PTPRT: variants seen among roughly 807,000 people sequenced by gnomAD.
PTPRT encodes receptor-type tyrosine-protein phosphatase T.
A neutral mutation model predicts 176.8 loss-of-function variants in PTPRT; 56 were observed. The observed-to-expected ratio is 0.32, with a 90% CI of 0.26 to 0.40. PTPRT has a LOEUF of 0.40. Ranked by LOEUF, PTPRT falls within the 10% of genes least tolerant of loss-of-function variation. The pLI, the probability that PTPRT is intolerant of heterozygous loss-of-function variation, is 1.00. For missense variants in PTPRT, 1,540 were observed against 1,908.2 expected, an observed-to-expected ratio of 0.81 and a Z score of 3.60; for synonymous variants, 783 against 739.0, an observed-to-expected ratio of 1.06 and a Z score of -0.96.
chr20:42,596,326 A>C (rs1158752691), intron 7 of PTPRT, among the ~76,000 whole-genome samples: 1 of 152,210 alleles, frequency 6.6e-6, no homozygotes, highest in Non-Finnish European at 1.5e-5. Context: ...CTCCTGGCTC[A>C]GATCCCTCCA....
chr20:42,615,036 C>T (rs1197278842), intron 7 of PTPRT, among the ~76,000 whole-genome samples: 1 of 141,676 alleles, frequency 7.1e-6, no homozygotes, highest in Non-Finnish European at 1.5e-5. Context: ...GCTGCACCCA[C>T]TAACTCGTCA....
chr20:42,145,788 C>A (rs1050352534), intron 17 of PTPRT, among the ~76,000 whole-genome samples: 1 of 152,160 alleles, frequency 6.6e-6, no homozygotes, highest in Non-Finnish European at 1.5e-5. Context: ...AAGTGCCTTC[C>A]TAGCTATTAA....
At chr20:42,693,266 A>C (rs948688637) in intron 6 of PTPRT, among the ~76,000 whole-genome samples, 1 of 152,178 alleles carries the variant, frequency 6.6e-6, no homozygotes, top group Non-Finnish European at 1.5e-5. Flanking sequence ...AGAAGAATCA[A>C]TATTGTAAAG....
intron 1 of PTPRT, among the ~76,000 whole-genome samples, chr20:42,909,893 T>C (rs1443087054): frequency 6.6e-6 from 1 of 152,206 alleles, no homozygotes; most frequent in African/African-American, 2.4e-5. Flanking sequence ...AGCAAAACAC[T>C]GTAATTCAGA....
At chr20:42,890,555 G>C (rs1480701373) in intron 1 of PTPRT, among the ~76,000 whole-genome samples, 6 of 152,194 alleles carry the variant, frequency 3.9e-5, no homozygotes, top group Non-Finnish European at 7.3e-5. Flanking sequence ...GACCCATGCA[G>C]TCAGCACAAG....
intron 1 of PTPRT, among the ~76,000 whole-genome samples, chr20:43,182,385 A>C (rs1291602426): frequency 6.6e-6 from 1 of 151,176 alleles, no homozygotes; most frequent in Non-Finnish European, 1.5e-5. Flanking sequence ...GTTTGCAAAC[A>C]TCTTCCTTCT....
At chr20:43,098,976 T>C (rs894251732) in intron 1 of PTPRT, among the ~76,000 whole-genome samples, 3 of 152,170 alleles carry the variant, frequency 2.0e-5, no homozygotes, top group Non-Finnish European at 4.4e-5. Flanking sequence ...CACATTGGTC[T>C]GGACTCTAGC....
intron 11 of PTPRT, among the ~76,000 whole-genome samples, chr20:42,339,519 A>G (rs912844628): frequency 3.3e-5 from 5 of 152,172 alleles, no homozygotes; most frequent in Admixed American, 3.3e-4. Flanking sequence ...TATCACAAGA[A>G]TGAGCAAATA....
At chr20:42,487,702 C>T (rs992087828) in intron 7 of PTPRT, among the ~76,000 whole-genome samples, 1 of 152,106 alleles carries the variant, frequency 6.6e-6, no homozygotes, top group Admixed American at 6.5e-5. Context: ...AACAGATTCT[C>T]CCCCAGAGTC....
intron 13 of PTPRT, among the ~76,000 whole-genome samples, chr20:42,254,441 T>C (rs901076735): frequency 3.9e-5 from 6 of 152,198 alleles, no homozygotes; most frequent in Non-Finnish European, 8.8e-5. Flanking sequence ...AGATGCACAA[T>C]GTTCCAGAGA....
chr20:42,801,785 A>T (rs1481131673), intron 2 of PTPRT, among the ~76,000 whole-genome samples: 1 of 152,224 alleles, frequency 6.6e-6, no homozygotes, highest in Admixed American at 6.5e-5. Flanking sequence ...GGGAACAGAA[A>T]GAATGTTCCA....
chr20:42,273,149 T>C (rs1183826690), intron 13 of PTPRT, among the ~76,000 whole-genome samples: 1 of 152,220 alleles, frequency 6.6e-6, no homozygotes, highest in Admixed American at 6.5e-5. Context: ...CCAGGTATTA[T>C]ATTAAGTACT....
At chr20:42,927,061 G>A (rs1387461605) in intron 1 of PTPRT, among the ~76,000 whole-genome samples, 2 of 152,288 alleles carry the variant, frequency 1.3e-5, no homozygotes, top group South Asian at 2.1e-4. Context: ...GGGTTGTAAG[G>A]TTGCTCTTGA....
At chr20:42,947,162 C>T (rs556724151) in intron 1 of PTPRT, among the ~76,000 whole-genome samples, 2 of 152,312 alleles carry the variant, frequency 1.3e-5, no homozygotes, top group South Asian at 4.1e-4. Context: ...TGTGCCCGTA[C>T]TACCTGCATT....
At chr20:42,816,460 C>A (rs991883508) in intron 2 of PTPRT, among the ~76,000 whole-genome samples, 4 of 152,150 alleles carry the variant, frequency 2.6e-5, no homozygotes, top group African/African-American at 9.7e-5. Context: ...TGGTTTGGCT[C>A]TGTATCCCCA....
intron 1 of PTPRT, among the ~76,000 whole-genome samples, chr20:43,188,079 T>C (rs117819143): frequency 0.014 from 2,075 of 152,274 alleles, 24 homozygotes; most frequent in Middle Eastern, 0.027. Context: ...GTGGTATTAA[T>C]GTGTGGTTGG....
At position 42,922,398 on chromosome 20, in the gene PTPRT, C is replaced by T. The variant is rs114901958; in HGVS notation, c.89-36466G>A. ...TGAAATAGTATCCATACACTGACTA[C>T]TCCCAATTTCACATCCTTATTCTAC... On this transcript the variant is annotated intron_variant, in intron 1 of 30. Transcript: ENST00000373187. Among the ~76,000 whole-genome samples, 446 of 152,326 alleles carry T rather than the reference C, an allele frequency of 2.9e-3. 1 individual carries two copies. Among genetic ancestry groups the T allele is most frequent in the African/African-American group, 9.4e-3 (389 of 41,576 alleles).
chr20:43,104,359 G>A (rs759750861), intron 1 of PTPRT, among the ~76,000 whole-genome samples: 6 of 151,594 alleles, frequency 4.0e-5, no homozygotes, highest in Non-Finnish European at 7.4e-5. Context: ...ATCACCCCCT[G>A]AGGTCCCAGA....
intron 14 of PTPRT, among the ~76,000 whole-genome samples, chr20:42,237,072 G>A (rs963482506): frequency 2.0e-5 from 3 of 152,124 alleles, no homozygotes; most frequent in African/African-American, 7.2e-5. Flanking sequence ...TACATAAAAA[G>A]AAAGAAATGT....
Sources: gnomAD v4.1 joint callset for allele counts (sites outside exome capture counted in the v4.1 genomes callset) on GRCh38, gnomAD v4.1.1 for gene constraint, MANE v1.5 for transcripts, NCBI Gene and HGNC (gene_info 2026-07-23, HGNC 2026-07-21) for gene names.